Variants in BRWD3 observed in about 807,000 individuals in gnomAD.
The protein encoded by BRWD3 is bromodomain and WD repeat domain containing 3, also known as bromodomain and WD repeat-containing protein 3.
Under a neutral mutation model 149.7 loss-of-function variants are expected in BRWD3, and 10 were observed. That is an observed-to-expected ratio of 0.07 (90% CI 0.04 to 0.11). The LOEUF is 0.11. Among genes scored for constraint, BRWD3 ranks in the 10% least tolerant of loss-of-function variants. The probability of loss-of-function intolerance (pLI) is 1.00; values close to 1 mark genes in which losing one functional copy is unlikely to be tolerated. For synonymous variants in BRWD3, 504 were observed against 456.7 expected (o/e 1.10, Z -1.32); for missense variants, 940 against 1,373.2 (o/e 0.68, Z 4.99).
intron 4 of BRWD3, among the ~76,000 whole-genome samples, chrX:80,804,552 TGATACGA>T (rs1296754752): frequency 8.9e-6 from 1 of 112,046 alleles, no homozygotes; most frequent in East Asian, 2.8e-4. Flanking sequence ...TTCAGTCTTA[TGATACGA>T]GACTCCTAAA....
At chrX:80,752,619 T>C (rs1407315647) in intron 6 of BRWD3, among the ~76,000 whole-genome samples, 1 of 112,047 alleles carries the variant, frequency 8.9e-6, no homozygotes, top group Non-Finnish European at 1.9e-5. Flanking sequence ...AGATATTTCA[T>C]TGTGGTTTTA....
intron 6 of BRWD3, among the ~76,000 whole-genome samples, chrX:80,763,476 T>C (rs950522297): frequency 1.6e-4 from 18 of 111,848 alleles, no homozygotes; most frequent in Non-Finnish European, 3.2e-4. Flanking sequence ...AAAAGTGGGA[T>C]AGAATAGGCC....
rs762204772 is a variant in BRWD3 at position 80,689,865 on chromosome X, C to T, written c.3729-19G>A. The T allele has an allele frequency of 2.8e-5, 33 of 1,175,146 alleles. No individual in the cohort carries two copies. Among genetic ancestry groups the T allele is most frequent in the Non-Finnish European group, 3.6e-5 (31 of 868,687 alleles). On this transcript the variant is annotated intron_variant, in intron 32 of 40. Transcript: ENST00000373275. The stretch of plus-strand genomic sequence containing the variant: ...CTGATCCCTAAGAAACAAGTCATTT[C>T]AAAAGCTTCAGTAATTTTTACAATT...
At position 80,676,361 on chromosome X, in the gene BRWD3, G is replaced by A. The variant is rs538786513; in HGVS notation, c.*248C>T. 73 of 406,526 alleles carry A rather than the reference G, an allele frequency of 1.8e-4. No homozygotes were observed. The South Asian group carries it at 2.3e-3, about 13-fold the overall frequency. The allele number at this position is 406,526 out of a possible 1,213,427, so 33.5% of individuals were successfully genotyped here. ...TGTGTGTGTCTGTGTGTGTGTATGT[G>A]TGTGTATGTGTTTGTGTGTGTGTGG... On this transcript the variant is annotated 3_prime_UTR_variant, in exon 41 of 41. Transcript: ENST00000373275.
intron 2 of BRWD3, 34 bp from the exon 3 acceptor site, chrX:80,809,076 G>A: frequency 8.5e-7 from 1 of 1,177,150 alleles, no homozygotes; most frequent in Non-Finnish European, 1.1e-6. Context: ...ATGAGGAGCA[G>A]CTCGGGCCAT....
At chrX:80,678,635 C>T (rs993725578) in intron 40 of BRWD3, among the ~76,000 whole-genome samples, 1 of 111,104 alleles carries the variant, frequency 9.0e-6, no homozygotes, top group Admixed American at 9.6e-5. Flanking sequence ...GACAACGTGG[C>T]TGAAGACTGA....
intron 1 of BRWD3, 33 bp downstream of exon 1, chrX:80,809,408 A>G (rs2074385854): frequency 1.9e-6 from 2 of 1,066,720 alleles, no homozygotes; most frequent in Non-Finnish European, 2.5e-6. Context: ...CCATTCCCTT[A>G]GCACCCCCCC....
intron 33 of BRWD3, 134 bp from the exon 34 acceptor site, chrX:80,688,259 A>C (rs776465990): frequency 5.8e-6 from 3 of 514,557 alleles, no homozygotes; most frequent in Admixed American, 2.8e-5. Context: ...GTAGAACAAA[A>C]GATAGAGGGA....
intron 14 of BRWD3, among the ~76,000 whole-genome samples, chrX:80,728,214 C>A (rs1466626836): frequency 9.0e-6 from 1 of 111,717 alleles, no homozygotes. Flanking sequence ...TGAAGTCAAC[C>A]AGTATTATGA....
chrX:80,746,075 A>G lies in BRWD3; in HGVS notation c.431-346T>C, dbSNP rs370398878. Among the ~76,000 whole-genome samples, 6 of 111,009 alleles carry G rather than the reference A, an allele frequency of 5.4e-5. No individual in the cohort carries two copies. In the East Asian group the frequency reaches 1.7e-3, roughly 31 times the overall value. ...TTTCTATAACATGAAGAAATTTTAG[A>G]ATAAAACTGTACTTGGTTAAGTATA... On this transcript the variant is annotated intron_variant, in intron 6 of 40. Transcript: ENST00000373275.
At chrX:80,708,702 G>A (rs2072907705) in intron 21 of BRWD3, among the ~76,000 whole-genome samples, 1 of 110,895 alleles carries the variant, frequency 9.0e-6, no homozygotes, top group Admixed American at 9.5e-5. Context: ...TGTAATCCCA[G>A]CTCCTGGGGA....
At chrX:80,682,995 T>C (rs1438737692) in intron 37 of BRWD3, among the ~76,000 whole-genome samples, 2 of 111,533 alleles carry the variant, frequency 1.8e-5, no homozygotes, top group Non-Finnish European at 3.8e-5. Context: ...CAGAATTATA[T>C]ACATAAAAAA....
At chrX:80,710,670 T>A (rs879112834) in intron 20 of BRWD3, 2 of 817,705 alleles carry the variant, frequency 2.4e-6, no homozygotes, top group Non-Finnish European at 3.6e-6. Context: ...ACCTGCTGAT[T>A]AACCAGCAGA....
At chrX:80,718,607 G>C (rs1391934253) in intron 18 of BRWD3, among the ~76,000 whole-genome samples, 1 of 111,920 alleles carries the variant, frequency 8.9e-6, no homozygotes, top group Non-Finnish European at 1.9e-5. Context: ...GCTTATCTGA[G>C]TTAGGTGTTC....
chrX:80,765,300 A>T (rs1197715414), intron 6 of BRWD3, among the ~76,000 whole-genome samples: 1 of 112,002 alleles, frequency 8.9e-6, no homozygotes, highest in Non-Finnish European at 1.9e-5. Flanking sequence ...ACTGAGAGGA[A>T]ACAGGACTGC....
chrX:80,760,389 G>T, intron 6 of BRWD3, among the ~76,000 whole-genome samples: 1 of 111,602 alleles, frequency 9.0e-6, no homozygotes, highest in South Asian at 3.7e-4. Flanking sequence ...ACATAGCAAA[G>T]AATTAATTAA....
Position 80,726,929 on chromosome X carries a change from A to G in BRWD3, c.1386+1823T>C, listed in dbSNP as rs375400617. 1.1e-4 allele frequency among the ~76,000 whole-genome samples: 12 copies of G among 110,864 alleles called. No individual in the cohort carries two copies. The East Asian group carries it at 2.3e-3, about 21-fold the overall frequency. On this transcript the variant is annotated intron_variant, in intron 14 of 40. Transcript: ENST00000373275. ...TATTTTCTGAGGTTCCTAACCAGCA[A>G]AACATAAAGTTAGTTTGTTAAACTC...
intron 6 of BRWD3, among the ~76,000 whole-genome samples, chrX:80,750,538 A>G (rs1245705116): frequency 9.0e-6 from 1 of 111,408 alleles, no homozygotes; most frequent in African/African-American, 3.3e-5. Flanking sequence ...ATCACTTCAC[A>G]CCTGTTAGAA....
At position 80,722,844 on chromosome X, in the gene BRWD3, T is replaced by G. The variant is rs992950414; in HGVS notation, c.1651-57A>C. 12 of 1,011,495 alleles carry G rather than the reference T, an allele frequency of 1.2e-5. No homozygotes were observed. The Admixed American group carries it at 2.6e-4, about 22-fold the overall frequency. The allele number at this position is 1,011,495 out of a possible 1,213,427, so 83.4% of individuals were successfully genotyped here. On this transcript the variant is annotated intron_variant, in intron 16 of 40. Coordinates refer to ENST00000373275, the MANE Select transcript of BRWD3 (RefSeq NM_153252.5). The stretch of plus-strand genomic sequence containing the variant: ...CACAGGGAATTTATAAGTAAATACT[T>G]GTTTTCATTCCTTGAGCACACTCAT...
Sources: gnomAD v4.1 joint callset for allele counts (sites outside exome capture counted in the v4.1 genomes callset) on GRCh38, gnomAD v4.1.1 for gene constraint, MANE v1.5 for transcripts, NCBI Gene and HGNC (gene_info 2026-07-23, HGNC 2026-07-21) for gene names.